AFG2A: variants seen among roughly 807,000 people sequenced by gnomAD.
AFG2A encodes the protein AAA ATPase AFG2A, also known as ATPase family gene 2 protein homolog A.
the AFG2A span, among the ~76,000 whole-genome samples, chr4:123,177,477 C>T: frequency 7.2e-5 from 11 of 152,168 alleles, no homozygotes; most frequent in African/African-American, 2.6e-4. Flanking sequence ...TCCCAAAGTG[C>T]TGGGATTACA....
the AFG2A span, among the ~76,000 whole-genome samples, chr4:123,160,818 T>A: frequency 6.6e-6 from 1 of 151,248 alleles, no homozygotes; most frequent in Non-Finnish European, 1.5e-5. Flanking sequence ...TATATATAGG[T>A]TTTTTTCTTA....
At chr4:123,100,253 T>C in the AFG2A span, among the ~76,000 whole-genome samples, 1 of 151,858 alleles carries the variant, frequency 6.6e-6, no homozygotes, top group South Asian at 2.1e-4. Context: ...ATTAAGAAGT[T>C]CTTTAATCCG....
At chr4:123,016,794 G>A in the AFG2A span, among the ~76,000 whole-genome samples, 7 of 152,254 alleles carry the variant, frequency 4.6e-5, no homozygotes, top group Admixed American at 6.5e-5. Flanking sequence ...AGGTTGTAGC[G>A]AGCTGAGATC....
chr4:122,971,915 T>C, the AFG2A span, among the ~76,000 whole-genome samples: 1 of 152,166 alleles, frequency 6.6e-6, no homozygotes, highest in Non-Finnish European at 1.5e-5. Flanking sequence ...ATTGATCTTT[T>C]GGCTGATGTT....
the AFG2A span, among the ~76,000 whole-genome samples, chr4:123,114,390 G>A: frequency 6.6e-6 from 1 of 152,146 alleles, no homozygotes; most frequent in South Asian, 2.1e-4. Flanking sequence ...CACCCAGGCT[G>A]CTCACACCCG....
the AFG2A span, among the ~76,000 whole-genome samples, chr4:123,083,173 G>C: frequency 6.6e-6 from 1 of 152,066 alleles, no homozygotes; most frequent in Non-Finnish European, 1.5e-5. Context: ...TGTTGAAAAG[G>C]AATGGGCAGA....
chr4:123,234,926 C>T, the AFG2A span, among the ~76,000 whole-genome samples: 2 of 152,078 alleles, frequency 1.3e-5, no homozygotes, highest in South Asian at 2.1e-4. Context: ...CCTCGCCTTC[C>T]GGGCTGTTGT....
At chr4:123,057,425 TA>T in the AFG2A span, 1 of 848,768 alleles carries the variant, frequency 1.2e-6, no homozygotes, top group Non-Finnish European at 1.8e-6. Context: ...TCAGTTTTTG[TA>T]ATTTTTTCCT....
chr4:122,932,098 C>T, the AFG2A span, among the ~76,000 whole-genome samples: 1 of 151,820 alleles, frequency 6.6e-6, no homozygotes, highest in Non-Finnish European at 1.5e-5. Flanking sequence ...GAAACACCGC[C>T]TCTACAAAAA....
chr4:123,198,892 G>T, the AFG2A span, among the ~76,000 whole-genome samples: 2 of 152,166 alleles, frequency 1.3e-5, no homozygotes, highest in African/African-American at 4.8e-5. Context: ...TCTAGATGAG[G>T]CATGAACTTG....
chr4:123,141,752 G>A, the AFG2A span, among the ~76,000 whole-genome samples: 5,571 of 152,210 alleles, frequency 0.037, 339 homozygotes, highest in African/African-American at 0.13. Flanking sequence ...GAGCTGGGTT[G>A]TTTGTTTTTT....
chr4:122,983,743 T>C, the AFG2A span, among the ~76,000 whole-genome samples: 1 of 152,200 alleles, frequency 6.6e-6, no homozygotes. Flanking sequence ...TCCTTCAGAA[T>C]GTGTCATGTG....
At chr4:123,280,778 A>T in the AFG2A span, among the ~76,000 whole-genome samples, 3 of 152,148 alleles carry the variant, frequency 2.0e-5, no homozygotes, top group Admixed American at 6.5e-5. Context: ...AGCAATTTTA[A>T]TTCCATGTGT....
the AFG2A span, among the ~76,000 whole-genome samples, chr4:123,256,504 A>G: frequency 1.3e-5 from 2 of 152,098 alleles, no homozygotes; most frequent in Non-Finnish European, 1.5e-5. Context: ...CCAATCACAC[A>G]CTTCTCTAAC....
At chr4:123,111,581 AT>A in the AFG2A span, among the ~76,000 whole-genome samples, 3 of 152,178 alleles carry the variant, frequency 2.0e-5, no homozygotes, top group East Asian at 5.8e-4. Flanking sequence ...TCATGAATTT[AT>A]TTTTTTCCCT....
At chr4:123,134,454 C>A in the AFG2A span, among the ~76,000 whole-genome samples, 2 of 151,984 alleles carry the variant, frequency 1.3e-5, no homozygotes, top group Non-Finnish European at 2.9e-5. Flanking sequence ...CTATTCCATT[C>A]GTTGATGTGT....
At chr4:122,926,747 A>T in the AFG2A span, among the ~76,000 whole-genome samples, 105 of 152,336 alleles carry the variant, frequency 6.9e-4, no homozygotes, top group Non-Finnish European at 1.2e-3. Context: ...TAAGTGTTTC[A>T]TAGATTTTGT....
At chr4:123,108,832 A>G in the AFG2A span, among the ~76,000 whole-genome samples, 1 of 152,194 alleles carries the variant, frequency 6.6e-6, no homozygotes, top group Admixed American at 6.5e-5. Flanking sequence ...CTAAGAGTTC[A>G]GCCTCTTTAA....
the AFG2A span, among the ~76,000 whole-genome samples, chr4:122,955,573 G>A: frequency 6.6e-6 from 1 of 152,126 alleles, no homozygotes; most frequent in African/African-American, 2.4e-5. Flanking sequence ...CCTGCCTTTA[G>A]TCTTTTTGAC....
Sources: allele counts gnomAD v4.1 joint callset (sites outside exome capture counted in the v4.1 genomes callset), GRCh38; gene constraint gnomAD v4.1.1; transcripts MANE v1.5; gene names NCBI Gene and HGNC (gene_info 2026-07-23, HGNC 2026-07-21).